RAPGEF6: variants seen among roughly 807,000 people sequenced by gnomAD.
The protein encoded by RAPGEF6 is PDZ domain containing guanine nucleotide exchange factor (GEF) 2.
RAPGEF6 carries 56 observed loss-of-function variants against 171.4 expected under a neutral mutation model. The ratio of observed to expected loss-of-function variants is 0.33; its 90% CI spans 0.26 to 0.41. RAPGEF6 has a LOEUF of 0.41. Among genes scored for constraint, RAPGEF6 ranks in the 10% least tolerant of loss-of-function variants. RAPGEF6 has a pLI of 1.00. For synonymous variants in RAPGEF6, 692 were observed against 650.1 expected, an observed-to-expected ratio of 1.06 and a Z score of -0.98; for missense variants, 1,674 against 1,921.4, an observed-to-expected ratio of 0.87 and a Z score of 2.41.
chr5:131,521,891 A>ACACACACACACT (rs1250904540), intron 6 of RAPGEF6, among the ~76,000 whole-genome samples: 5 of 123,656 alleles, frequency 4.0e-5, no homozygotes, highest in African/African-American at 1.2e-4. Context: ...ACACACACAC[A>ACACACACACACT]CTCTCTCTCT....
chr5:131,527,606 G>T (rs982775084), intron 6 of RAPGEF6, among the ~76,000 whole-genome samples: 1 of 152,044 alleles, frequency 6.6e-6, no homozygotes, highest in Non-Finnish European at 1.5e-5. Flanking sequence ...AGATCACTCT[G>T]GAAGCACAGA....
At chr5:131,521,277 T>G (rs551285804) in intron 7 of RAPGEF6, 113 bp downstream of exon 7, 1 of 1,145,194 alleles carries the variant, frequency 8.7e-7, no homozygotes, top group Non-Finnish European at 1.2e-6. Context: ...TCTAAAGACC[T>G]TACGCTTGAA....
intron 17 of RAPGEF6, chr5:131,469,856 C>A: frequency 6.7e-7 from 1 of 1,487,344 alleles, no homozygotes. Context: ...AGTAAGCAAT[C>A]AAAAACAAAC....
At chr5:131,536,509 C>T (rs757548553) in intron 6 of RAPGEF6, among the ~76,000 whole-genome samples, 24 of 152,120 alleles carry the variant, frequency 1.6e-4, no homozygotes, top group Middle Eastern at 3.2e-3. Context: ...TCATATATAT[C>T]CACTAACTGA....
chr5:131,574,314 A>G (rs1222375467), intron 4 of RAPGEF6, among the ~76,000 whole-genome samples: 1 of 152,106 alleles, frequency 6.6e-6, no homozygotes, highest in Non-Finnish European at 1.5e-5. Flanking sequence ...TCCTTCCCAG[A>G]TCTTGGCTTA....
chr5:131,558,058 T>C (rs1464639001), intron 5 of RAPGEF6, among the ~76,000 whole-genome samples: 4 of 152,166 alleles, frequency 2.6e-5, no homozygotes, highest in Non-Finnish European at 4.4e-5. Flanking sequence ...TCCTATTAGA[T>C]GCTAAGTATT....
intron 20 of RAPGEF6, 31 bp from the exon 21 acceptor site, chr5:131,453,208 A>G: frequency 9.6e-6 from 15 of 1,564,294 alleles, no homozygotes; most frequent in Non-Finnish European, 1.2e-5. Context: ...TTTAAGTTCA[A>G]AATTAAATTA....
chr5:131,582,259 A>C (rs1449311029), intron 4 of RAPGEF6, among the ~76,000 whole-genome samples: 1 of 152,266 alleles, frequency 6.6e-6, no homozygotes, highest in Non-Finnish European at 1.5e-5. Flanking sequence ...TAGAAAAATA[A>C]GTGAAACAAA....
chr5:131,543,483 C>T (rs1282425360), intron 6 of RAPGEF6, among the ~76,000 whole-genome samples: 1 of 152,082 alleles, frequency 6.6e-6, no homozygotes, highest in East Asian at 1.9e-4. Flanking sequence ...ACTAAAGAAA[C>T]GACATGGGCA....
At chr5:131,542,498 C>A (rs1445701753) in intron 6 of RAPGEF6, among the ~76,000 whole-genome samples, 4 of 152,158 alleles carry the variant, frequency 2.6e-5, no homozygotes, top group Non-Finnish European at 5.9e-5. Flanking sequence ...TTTTCTTTGG[C>A]AGGCAATATA....
intron 7 of RAPGEF6, among the ~76,000 whole-genome samples, chr5:131,517,952 A>T (rs1434602365): frequency 6.6e-6 from 1 of 150,464 alleles, no homozygotes; most frequent in African/African-American, 2.4e-5. Context: ...ATATTTTCCA[A>T]TTTTTTTTTC....
At chr5:131,617,398 A>T (rs1460374083) in intron 1 of RAPGEF6, among the ~76,000 whole-genome samples, 1 of 152,218 alleles carries the variant, frequency 6.6e-6, no homozygotes, top group Non-Finnish European at 1.5e-5. Flanking sequence ...AAACTTGGAT[A>T]ATCTGCTTAA....
chr5:131,625,953 C>T (rs1277500540), intron 1 of RAPGEF6, among the ~76,000 whole-genome samples: 1 of 152,152 alleles, frequency 6.6e-6, no homozygotes, highest in Non-Finnish European at 1.5e-5. Context: ...GCCTCCCTGT[C>T]TCTAGTCTGC....
chr5:131,491,358 T>A (rs555387473), intron 14 of RAPGEF6, among the ~76,000 whole-genome samples: 2 of 152,298 alleles, frequency 1.3e-5, no homozygotes, highest in Admixed American at 1.3e-4. Context: ...ATAATATGAA[T>A]GAGCTCATAA....
intron 1 of RAPGEF6, among the ~76,000 whole-genome samples, chr5:131,632,518 T>C (rs895329687): frequency 1.3e-5 from 2 of 152,198 alleles, no homozygotes. Flanking sequence ...AAGCTACATA[T>C]TATGTAACTT....
At chr5:131,565,762 T>C (rs1430915523) in intron 4 of RAPGEF6, among the ~76,000 whole-genome samples, 1 of 152,178 alleles carries the variant, frequency 6.6e-6, no homozygotes, top group Non-Finnish European at 1.5e-5. Flanking sequence ...TTCCTATAAA[T>C]GGTGGGAAAC....
At chr5:131,627,575 T>A (rs1349145154) in intron 1 of RAPGEF6, among the ~76,000 whole-genome samples, 3 of 152,166 alleles carry the variant, frequency 2.0e-5, no homozygotes, top group Non-Finnish European at 4.4e-5. Context: ...TTATAAAGAA[T>A]GGTATTAAAT....
At chr5:131,593,491 G>A (rs1446424413) in intron 3 of RAPGEF6, among the ~76,000 whole-genome samples, 1 of 152,208 alleles carries the variant, frequency 6.6e-6, no homozygotes, top group Non-Finnish European at 1.5e-5. Flanking sequence ...TGGGTAACGG[G>A]CAGAGGCTGG....
intron 4 of RAPGEF6, among the ~76,000 whole-genome samples, chr5:131,573,123 C>T (rs540182779): frequency 1.7e-3 from 254 of 152,212 alleles, no homozygotes; most frequent in African/African-American, 5.6e-3. Flanking sequence ...ACCACTCTGA[C>T]CTCTCTCCTT....
Sources: allele counts gnomAD v4.1 joint callset (sites outside exome capture counted in the v4.1 genomes callset), GRCh38; gene constraint gnomAD v4.1.1; transcripts MANE v1.5; gene names NCBI Gene and HGNC (gene_info 2026-07-23, HGNC 2026-07-21).